TLN2: variants seen among roughly 807,000 people sequenced by gnomAD.
TLN2 encodes the protein talin-2.
Under a neutral mutation model 294.7 loss-of-function variants are expected in TLN2, and 118 were observed. The observed-to-expected ratio is 0.40, with a 90% confidence interval of 0.34 to 0.47. TLN2 has a LOEUF of 0.47. TLN2 is among the 20% of genes least tolerant of loss of function. TLN2 has a pLI of 0.84. For missense variants in TLN2, 3,083 were observed against 3,282.2 expected, an observed-to-expected ratio of 0.94 and a Z score of 1.48; for synonymous variants, 1,431 against 1,304.5, an observed-to-expected ratio of 1.10 and a Z score of -2.09.
chr15:62,691,307 T>G (rs887092236), intron 12 of TLN2, among the ~76,000 whole-genome samples: 1 of 152,220 alleles, frequency 6.6e-6, no homozygotes, highest in Non-Finnish European at 1.5e-5. Flanking sequence ...TTGTTCAGAT[T>G]GACTAAATTC....
chr15:62,552,346 T>TTAA (rs2140559734), intron 1 of TLN2, among the ~76,000 whole-genome samples: 1 of 152,354 alleles, frequency 6.6e-6, no homozygotes, highest in African/African-American at 2.4e-5. Flanking sequence ...TCAATTTGCC[T>TTAA]ACTTAGTGAG....
intron 1 of TLN2, among the ~76,000 whole-genome samples, chr15:62,418,397 T>C (rs1043745721): frequency 5.9e-5 from 9 of 152,240 alleles, no homozygotes; most frequent in Non-Finnish European, 1.0e-4. Context: ...AGGAAAGCAT[T>C]TGGTGTGGAA....
intron 1 of TLN2, among the ~76,000 whole-genome samples, chr15:62,483,169 A>T (rs940098862): frequency 6.6e-6 from 1 of 152,126 alleles, no homozygotes; most frequent in Non-Finnish European, 1.5e-5. Context: ...AACTACTCCA[A>T]TGTTGGTAGG....
At chr15:62,713,806 C>T (rs2140895870) in intron 22 of TLN2, among the ~76,000 whole-genome samples, 1 of 151,688 alleles carries the variant, frequency 6.6e-6, no homozygotes, top group South Asian at 2.1e-4. Flanking sequence ...GAAAGAGAGA[C>T]CCAGGGAGGG....
intron 40 of TLN2, among the ~76,000 whole-genome samples, chr15:62,766,069 T>A (rs889085822): frequency 1.1e-4 from 16 of 152,158 alleles, no homozygotes; most frequent in Non-Finnish European, 2.1e-4. Flanking sequence ...ACCAGTAGCA[T>A]CAGTTGTCAG....
chr15:62,397,592 ACT>A (rs1170951833), intron 1 of TLN2, among the ~76,000 whole-genome samples: 2 of 152,086 alleles, frequency 1.3e-5, no homozygotes, highest in South Asian at 2.1e-4. Flanking sequence ...ATACTGTGTG[ACT>A]CTCTGAATCC....
intron 1 of TLN2, among the ~76,000 whole-genome samples, chr15:62,449,856 T>G (rs537298771): frequency 6.6e-6 from 1 of 152,330 alleles, no homozygotes; most frequent in East Asian, 1.9e-4. Flanking sequence ...ATTTCCAGGC[T>G]TAGCATTCAC....
At position 62,667,157 on chromosome 15, in the gene TLN2, G is replaced by A. The variant is rs1041452132; in HGVS notation, c.789-6670G>A. Among the ~76,000 whole-genome samples, 162 of 152,094 alleles carry A rather than the reference G, an allele frequency of 1.1e-3. 1 individual carries two copies. The highest frequency in any genetic ancestry group is 3.2e-4 in the Non-Finnish European group (22 of 67,994). On this transcript the variant is annotated intron_variant, in intron 9 of 58. Transcript: ENST00000636159. ...ATTTTTTGTATTTTTTAGTAGAGAC[G>A]GGGTTTCACCATGTTAGCCAGGATG...
Position 62,844,488 on chromosome 15 carries a change from G to A in TLN2, c.*3878G>A, listed in dbSNP as rs1248174580. The A allele has an allele frequency of 1.3e-5, 2 of 152,170 alleles. No individual in the cohort carries two copies. The highest frequency in any genetic ancestry group is 3.4e-3 in the Middle Eastern group (1 of 294). 9.4% of individuals were successfully genotyped at this position (152,170 alleles called of 1,614,324 possible). ...AACACGAGGCTGGGTCTCATTCAGC[G>A]GCCTCTCACCAACCTTCAAGATCCA... On this transcript the variant is annotated 3_prime_UTR_variant, in exon 59 of 59. Transcript: ENST00000636159.
chr15:62,465,104 GTTTTTTTTTTTTTT>G (rs57890839), intron 1 of TLN2, among the ~76,000 whole-genome samples: 4 of 85,526 alleles, frequency 4.7e-5, no homozygotes, highest in East Asian at 4.1e-4. Context: ...TGGTGAGCGC[GTTTTTTTTTTTTTT>G]TTTTTTTTTG....
intron 1 of TLN2, among the ~76,000 whole-genome samples, chr15:62,585,807 T>C (rs937531750): frequency 6.6e-6 from 1 of 152,194 alleles, no homozygotes; most frequent in Non-Finnish European, 1.5e-5. Context: ...TGTGTTTCCA[T>C]TGGAGACATG....
At chr15:62,646,229 C>G (rs986292206) in intron 3 of TLN2, among the ~76,000 whole-genome samples, 1 of 151,630 alleles carries the variant, frequency 6.6e-6, no homozygotes, top group African/African-American at 2.4e-5. Flanking sequence ...GTGGCATGAT[C>G]TCAGCTCACT....
chr15:62,671,436 A>AT (rs2055408801), intron 9 of TLN2, among the ~76,000 whole-genome samples: 1 of 152,200 alleles, frequency 6.6e-6, no homozygotes, highest in Non-Finnish European at 1.5e-5. Context: ...TCTGTCATAG[A>AT]TTTTGAGTTA....
intron 2 of TLN2, among the ~76,000 whole-genome samples, chr15:62,614,558 G>T (rs562549526): frequency 2.0e-5 from 3 of 152,104 alleles, no homozygotes; most frequent in South Asian, 4.2e-4. Flanking sequence ...CTCTCTGCTC[G>T]AAAGAACATT....
At position 62,653,260 on chromosome 15, in the gene TLN2, C is replaced by G. The variant is rs762679240; in HGVS notation, c.463C>G (p.Arg155Gly). 3 of 1,613,694 alleles carry G rather than the reference C, an allele frequency of 1.9e-6. No individual in the cohort carries two copies. The highest frequency in any genetic ancestry group is 2.7e-5 in the African/African-American group (2 of 75,012). The change falls in exon 7 of 59, where the codon CGA becomes GGA. Residue 155 changes from arginine (R) to glycine (G), a missense_variant. Coordinates refer to ENST00000636159, the MANE Select transcript of TLN2 (RefSeq NM_015059.3). The stretch of plus-strand genomic sequence containing the variant: ...ACTCAAAAAAGACAGGACACTGTTA[C>G]GAGATGAGAGGAAAATGGAGAAGTT... The part of the protein sequence containing the change: ...GTLKKDRTLL[R>G]DERKMEKLKA...
chr15:62,522,941 T>TACAC (rs71129007), intron 1 of TLN2, among the ~76,000 whole-genome samples: 3,644 of 133,084 alleles, frequency 0.027, 70 homozygotes, highest in Middle Eastern at 0.056. Flanking sequence ...GAATGTGGCT[T>TACAC]ACACACACAC....
intron 1 of TLN2, among the ~76,000 whole-genome samples, chr15:62,513,410 G>T (rs988514611): frequency 6.6e-6 from 1 of 152,204 alleles, no homozygotes. Context: ...GTGATGCGTT[G>T]TCTCTTCCTA....
At chr15:62,691,706 G>A (rs2057928242) in intron 12 of TLN2, among the ~76,000 whole-genome samples, 1 of 151,848 alleles carries the variant, frequency 6.6e-6, no homozygotes, top group Non-Finnish European at 1.5e-5. Context: ...TTTGGAGACA[G>A]TCTCTCACTC....
At chr15:62,821,287 C>G (rs1270711867) in intron 54 of TLN2, among the ~76,000 whole-genome samples, 1 of 152,242 alleles carries the variant, frequency 6.6e-6, no homozygotes, top group Non-Finnish European at 1.5e-5. Context: ...CCCCACCTTC[C>G]ATAGCTGTCT....
Sources: gnomAD v4.1 joint callset for allele counts (sites outside exome capture counted in the v4.1 genomes callset) on GRCh38, gnomAD v4.1.1 for gene constraint, MANE v1.5 for transcripts, NCBI Gene and HGNC (gene_info 2026-07-23, HGNC 2026-07-21) for gene names.